The following NR6A1 variants were observed in gnomAD, a reference collection of about 807,000 sequenced individuals.
NR6A1 encodes nuclear receptor subfamily 6 group A member 1.
NR6A1 carries 7 observed loss-of-function variants against 59.1 expected under a neutral mutation model. That is an observed-to-expected ratio of 0.12 (90% CI 0.07 to 0.22). The LOEUF (loss-of-function observed/expected upper bound fraction) is 0.22. Ranked by LOEUF, NR6A1 falls within the 10% of genes least tolerant of loss-of-function variation. NR6A1 has a pLI of 1.00. For synonymous variants in NR6A1, 243 were observed against 236.1 expected (o/e 1.03, Z -0.27); for missense variants, 468 against 611.6 (o/e 0.77, Z 2.48).
At chr9:124,762,949 T>C (rs1289092304) in intron 1 of NR6A1, among the ~76,000 whole-genome samples, 1 of 152,226 alleles carries the variant, frequency 6.6e-6, no homozygotes, top group Admixed American at 6.5e-5. Context: ...ACCAATACTG[T>C]CAGTTTTCCT....
At chr9:124,540,754 T>C (rs535958911) in intron 4 of NR6A1, among the ~76,000 whole-genome samples, 26 of 152,198 alleles carry the variant, frequency 1.7e-4, no homozygotes, top group African/African-American at 5.8e-4. Flanking sequence ...TGAGCCATGA[T>C]TGCACTAACC....
chr9:124,608,904 G>A (rs932368190), intron 2 of NR6A1, among the ~76,000 whole-genome samples: 1 of 152,156 alleles, frequency 6.6e-6, no homozygotes, highest in Non-Finnish European at 1.5e-5. Flanking sequence ...GTGATGTTGA[G>A]CTTTTTCTCC....
intron 2 of NR6A1, among the ~76,000 whole-genome samples, chr9:124,658,118 A>G (rs1405996626): frequency 6.6e-6 from 1 of 152,208 alleles, no homozygotes; most frequent in African/African-American, 2.4e-5. Flanking sequence ...TTTGTATTTC[A>G]GAAAGACTAG....
At chr9:124,547,364 C>CA (rs1016440965) in intron 3 of NR6A1, among the ~76,000 whole-genome samples, 1 of 152,202 alleles carries the variant, frequency 6.6e-6, no homozygotes, top group Non-Finnish European at 1.5e-5. Flanking sequence ...GCATGGCATT[C>CA]AAGACCATCT....
chr9:124,575,548 T>G (rs1360795096), intron 2 of NR6A1, among the ~76,000 whole-genome samples: 1 of 152,194 alleles, frequency 6.6e-6, no homozygotes, highest in East Asian at 1.9e-4. Context: ...CCTTCCAGCC[T>G]GGGTGACAGA....
At chr9:124,647,068 C>G (rs1211381920) in intron 2 of NR6A1, among the ~76,000 whole-genome samples, 1 of 152,164 alleles carries the variant, frequency 6.6e-6, no homozygotes, top group East Asian at 1.9e-4. Flanking sequence ...GCTCACACCA[C>G]CAGAACTGGC....
At position 124,771,260 on chromosome 9, in the gene NR6A1, C is replaced by T. The variant is rs948892858; in HGVS notation, c.-141G>A. ...CCGCGGCTCTCTCTGGGCCCCGAGCCGCCCGGCTCCGCGCCGCTCCGCGCC... is the reference window on the plus strand; with the variant it reads ...CCGCGGCTCTCTCTGGGCCCCGAGCTGCCCGGCTCCGCGCCGCTCCGCGCC... On this transcript the variant is annotated 5_prime_UTR_variant, in exon 1 of 10. Transcript: ENST00000487099. The T allele has an allele frequency of 9.5e-6, 4 of 422,266 alleles. No individual in the cohort carries two copies. Among genetic ancestry groups the T allele is most frequent in the Non-Finnish European group, 1.2e-5 (3 of 249,316 alleles). The allele number at this position is 422,266 out of a possible 1,614,324, so 26.2% of individuals were successfully genotyped here.
chr9:124,562,128 T>G (rs1030249233), intron 2 of NR6A1, among the ~76,000 whole-genome samples: 1 of 152,164 alleles, frequency 6.6e-6, no homozygotes, highest in Admixed American at 6.5e-5. Flanking sequence ...AAAACTCCTC[T>G]CCAACTTGGG....
At chr9:124,551,217 G>A (rs1833768365) in intron 3 of NR6A1, among the ~76,000 whole-genome samples, 1 of 152,078 alleles carries the variant, frequency 6.6e-6, no homozygotes, top group Non-Finnish European at 1.5e-5. Flanking sequence ...ATTGCTCCTG[G>A]GGTATCTGCT....
chr9:124,545,369 T>C (rs1195238736), intron 3 of NR6A1, among the ~76,000 whole-genome samples: 2 of 152,128 alleles, frequency 1.3e-5, no homozygotes, highest in African/African-American at 2.4e-5. Context: ...CAAGGTTCTA[T>C]TCTCAACTTT....
intron 2 of NR6A1, among the ~76,000 whole-genome samples, chr9:124,704,986 T>C (rs1215507162): frequency 1.3e-5 from 2 of 152,232 alleles, no homozygotes; most frequent in Admixed American, 1.3e-4. Flanking sequence ...TCCGCCCACC[T>C]TGGCCTCCCA....
intron 2 of NR6A1, among the ~76,000 whole-genome samples, chr9:124,637,012 T>C (rs1322768507): frequency 2.0e-5 from 3 of 152,136 alleles, no homozygotes; most frequent in African/African-American, 4.8e-5. Context: ...TAAACTAATG[T>C]ACTTACTACA....
intron 2 of NR6A1, among the ~76,000 whole-genome samples, chr9:124,694,738 A>G (rs1028214658): frequency 5.9e-5 from 9 of 152,224 alleles, no homozygotes; most frequent in Non-Finnish European, 1.2e-4. Flanking sequence ...CAAAAGTCAA[A>G]TAAGACAGTA....
rs552526630 is a variant in NR6A1, at chr9:124,742,863, G to A, written c.101-9514C>T. Among the ~76,000 whole-genome samples the A allele has an allele frequency of 8.5e-5, 13 of 152,282 alleles. No individual in the cohort carries two copies. The South Asian group carries it at 1.2e-3, about 15-fold the overall frequency. ...TGCACTCCAGCCTGGATGACAGAGC[G>A]AGACTCTGTCTCAAAAATAAAAAAT... On this transcript the variant is annotated intron_variant, in intron 1 of 9. Transcript: ENST00000487099.
chr9:124,598,618 C>G (rs935310524), intron 2 of NR6A1: 1 of 208,628 alleles, frequency 4.8e-6, no homozygotes, highest in East Asian at 9.6e-5. Flanking sequence ...CAAATAAAAA[C>G]AAACCAAAAA....
intron 7 of NR6A1, among the ~76,000 whole-genome samples, chr9:124,534,203 C>A (rs958708027): frequency 6.6e-6 from 1 of 151,536 alleles, no homozygotes; most frequent in Non-Finnish European, 1.5e-5. Flanking sequence ...CTCCCAAGTA[C>A]CTGGGATTAC....
chr9:124,731,179 G>C (rs1299985204), intron 2 of NR6A1, among the ~76,000 whole-genome samples: 1 of 152,052 alleles, frequency 6.6e-6, no homozygotes, highest in African/African-American at 2.4e-5. Context: ...AGACAAACCT[G>C]ACCAATATGG....
chr9:124,567,063 C>G (rs577406265), intron 2 of NR6A1, among the ~76,000 whole-genome samples: 3 of 151,032 alleles, frequency 2.0e-5, no homozygotes, highest in South Asian at 2.1e-4. Flanking sequence ...AGCCGAGATC[C>G]CGCCACTGCA....
At chr9:124,579,429 T>C (rs1013965861) in intron 2 of NR6A1, among the ~76,000 whole-genome samples, 1 of 152,220 alleles carries the variant, frequency 6.6e-6, no homozygotes, top group African/African-American at 2.4e-5. Context: ...CATGTGCCTG[T>C]AGTCCCAGCT....
Sources: allele counts gnomAD v4.1 joint callset (sites outside exome capture counted in the v4.1 genomes callset), GRCh38; gene constraint gnomAD v4.1.1; transcripts MANE v1.5; gene names NCBI Gene and HGNC (gene_info 2026-07-23, HGNC 2026-07-21).